The following RC3H2 variants were observed in gnomAD, a reference collection of about 807,000 sequenced individuals.
RC3H2 encodes the protein roquin-2.
Under a neutral mutation model 133.3 loss-of-function variants are expected in RC3H2, and 31 were observed. The ratio of observed to expected loss-of-function variants is 0.23; its 90% CI spans 0.17 to 0.31. RC3H2 has a LOEUF of 0.31. RC3H2 is among the 10% of genes least tolerant of loss of function. The probability of loss-of-function intolerance (pLI) is 1.00; values close to 1 mark genes in which losing one functional copy is unlikely to be tolerated. For synonymous variants in RC3H2, 517 were observed against 502.2 expected (o/e 1.03, Z -0.40); for missense variants, 1,175 against 1,437.2 (o/e 0.82, Z 2.95).
intron 3 of RC3H2, among the ~76,000 whole-genome samples, chr9:122,892,387 A>G (rs1371831893): frequency 1.3e-5 from 2 of 151,982 alleles, no homozygotes; most frequent in Middle Eastern, 3.2e-3. Flanking sequence ...TGCTCAGATT[A>G]CAGGCATGAA....
At chr9:122,865,213 T>C (rs1588067300) in intron 10 of RC3H2, 136 bp downstream of exon 10, 1 of 792,126 alleles carries the variant, frequency 1.3e-6, no homozygotes, top group Middle Eastern at 3.0e-4. Flanking sequence ...TTTTAGTATT[T>C]AGTGTTTCTT....
At chr9:122,856,168 G>A (rs1830240607) in intron 13 of RC3H2, among the ~76,000 whole-genome samples, 1 of 151,814 alleles carries the variant, frequency 6.6e-6, no homozygotes, top group Non-Finnish European at 1.5e-5. Flanking sequence ...ATGGTATGGG[G>A]TGCACCAAGA....
At chr9:122,887,698 G>T (rs1303754505) in intron 4 of RC3H2, among the ~76,000 whole-genome samples, 1 of 149,860 alleles carries the variant, frequency 6.7e-6, no homozygotes, top group Non-Finnish European at 1.5e-5. Context: ...TCAAATTTAA[G>T]ACTGCAGGAG....
intron 10 of RC3H2, among the ~76,000 whole-genome samples, 198 bp downstream of exon 10, chr9:122,865,151 T>C (rs554545555): frequency 1.3e-5 from 2 of 152,322 alleles, no homozygotes; most frequent in Admixed American, 6.5e-5. Context: ...ACTTTCCCAC[T>C]TTCCAAGTTC....
chr9:122,865,464 T>C lies in RC3H2; in HGVS notation c.1519A>G (p.Ile507Val). The C allele has an allele frequency of 6.2e-7, 1 of 1,614,196 alleles. No individual in the cohort carries two copies. Among genetic ancestry groups the C allele is most frequent in the Non-Finnish European group, 8.5e-7 (1 of 1,180,032 alleles). ...AAGGTACTGTCAGTACTACGTGAGA[T>C]TAGCTGGGAAACACTGTTTTCTGCA... ...SNAENSVSQL[I>V]SRSTDSTLRA... Residue 507 changes from isoleucine (I) to valine (V), a missense_variant, in exon 10 of 21, where the codon ATC becomes GTC. Around this residue, in one of 8 missense-constraint regions of RC3H2, gnomAD observed 490 missense variants for 492.8 expected, o/e 0.99. Transcript: ENST00000357244.
chr9:122,877,408 T>C (rs1178104989), intron 9 of RC3H2, 63 bp downstream of exon 9: 1 of 1,268,260 alleles, frequency 7.9e-7, no homozygotes, highest in Middle Eastern at 1.9e-4. Context: ...TTCAGGACTG[T>C]ATATAACATT....
At chr9:122,889,064 G>C (rs912989153) in intron 4 of RC3H2, among the ~76,000 whole-genome samples, 1 of 151,898 alleles carries the variant, frequency 6.6e-6, no homozygotes, top group African/African-American at 2.4e-5. Flanking sequence ...GTTGGTTGTT[G>C]GTCTTTTTCT....
chr9:122,866,216 T>C (rs1830646522), intron 9 of RC3H2, among the ~76,000 whole-genome samples: 1 of 152,256 alleles, frequency 6.6e-6, no homozygotes, highest in Admixed American at 6.5e-5. Context: ...GAATAGTTTA[T>C]ACCTAAAGTT....
chr9:122,903,663 G>T (rs1166410780), intron 1 of RC3H2, among the ~76,000 whole-genome samples: 3 of 152,184 alleles, frequency 2.0e-5, no homozygotes, highest in Admixed American at 2.0e-4. Flanking sequence ...TATAACATCT[G>T]CTTTTTCTAA....
In RC3H2 at chr9:122,845,846, A is replaced by T. The variant is rs1352949007; in HGVS notation, c.*3781T>A. 6.6e-6 allele frequency: 1 copy of T among 152,216 alleles called. No homozygotes were observed. The highest frequency in any genetic ancestry group is 1.5e-5 in the Non-Finnish European group (1 of 68,030). The allele number at this position is 152,216 out of a possible 1,614,324, so 9.4% of individuals were successfully genotyped here. ...AAGCCTCTTCATTCACTAAAACAAA[A>T]GAAAAGTTCTTCCAGGAAACCAATG... On this transcript the variant is annotated 3_prime_UTR_variant, in exon 21 of 21. Transcript: ENST00000357244.
At chr9:122,851,030 CT>C (rs1829999545) in intron 20 of RC3H2, 50 bp downstream of exon 20, 1 of 1,587,722 alleles carries the variant, frequency 6.3e-7, no homozygotes, top group South Asian at 1.1e-5. Flanking sequence ...ATTTTTTTCT[CT>C]TTATTATGTC....
At chr9:122,877,816 T>C (rs1350966559) in intron 8 of RC3H2, among the ~76,000 whole-genome samples, 1 of 152,232 alleles carries the variant, frequency 6.6e-6, no homozygotes, top group Admixed American at 6.5e-5. Flanking sequence ...CTGGTTCAAA[T>C]GTTATGTCCA....
chr9:122,852,114 G>A (rs58012568), intron 18 of RC3H2, among the ~76,000 whole-genome samples: 37,251 of 132,442 alleles, frequency 0.28, 6,768 homozygotes, highest in East Asian at 0.66. Context: ...CCGGCCGCCC[G>A]TCGTCTGGGA....
intron 1 of RC3H2, among the ~76,000 whole-genome samples, chr9:122,899,090 GTTTT>G (rs1183512993): frequency 3.7e-3 from 328 of 88,282 alleles, no homozygotes; most frequent in African/African-American, 0.014. Context: ...CCTTTATTGT[GTTTT>G]TTTTTTTTTT....
intron 5 of RC3H2, 115 bp from the exon 6 acceptor site, chr9:122,880,909 A>G: frequency 1.4e-6 from 1 of 704,184 alleles, no homozygotes; most frequent in Admixed American, 2.3e-5. Context: ...ACACCACAGA[A>G]ATAAGGTACA....
chr9:122,865,323 A>G, intron 10 of RC3H2, 26 bp downstream of exon 10: 2 of 1,553,954 alleles, frequency 1.3e-6, no homozygotes, highest in Non-Finnish European at 1.7e-6. Context: ...AAGAATTTCC[A>G]GTAATCATTT....
chr9:122,881,782 C>A lies in RC3H2; in HGVS notation c.760-988G>T, dbSNP rs528105949. 5.3e-5 allele frequency among the ~76,000 whole-genome samples: 8 copies of A among 152,228 alleles called. No individual in the cohort carries two copies. The East Asian group carries it at 1.5e-3, about 29-fold the overall frequency. The stretch of plus-strand genomic sequence containing the variant: ...TCAAGCAATCCTCTCGCTTTGGCCT[C>A]CCAAAGTGCTGGGATTACAGGTATA... On this transcript the variant is annotated intron_variant, in intron 5 of 20. Coordinates refer to ENST00000357244, the MANE Select transcript of RC3H2 (RefSeq NM_001100588.3).
In RC3H2 at chr9:122,887,836, G is replaced by A. The variant is rs953628093; in HGVS notation, c.583+2476C>T. On this transcript the variant is annotated intron_variant, in intron 4 of 20. Coordinates refer to ENST00000357244, the MANE Select transcript of RC3H2 (RefSeq NM_001100588.3). ...CTCGGCTCACTGCAACCTCTGCCCC[G>A]AGGTTAGGGCAATTCTCGTGCCTCA... is the stretch of plus-strand genomic sequence containing the variant. Among the ~76,000 whole-genome samples, 8 of 143,248 alleles carry A rather than the reference G, an allele frequency of 5.6e-5. No individual in the cohort carries two copies. In the South Asian group the frequency reaches 1.4e-3, roughly 25 times the overall value. The allele number at this position is 143,248 out of a possible 152,430, so 94.0% of individuals were successfully genotyped here. A position where few individuals can be genotyped will look rare whatever the true frequency, so the allele number is the denominator to read the frequency against.
chr9:122,887,611 T>C (rs1455378621), intron 4 of RC3H2, among the ~76,000 whole-genome samples: 1 of 152,202 alleles, frequency 6.6e-6, no homozygotes, highest in African/African-American at 2.4e-5. Flanking sequence ...TCATCACTTC[T>C]AAGCATTTTC....
Sources: allele counts gnomAD v4.1 joint callset (sites outside exome capture counted in the v4.1 genomes callset), GRCh38; gene constraint gnomAD v4.1.1; regional missense constraint gnomAD v4.1.1; transcripts MANE v1.5; gene names NCBI Gene and HGNC (gene_info 2026-07-23, HGNC 2026-07-21).